Variants in NBEAL2 observed in about 807,000 individuals in gnomAD.
NBEAL2 encodes the protein neurobeachin-like protein 2.
NBEAL2 carries 160 observed loss-of-function variants against 299.8 expected under a neutral mutation model. The ratio of observed to expected loss-of-function variants is 0.53; its 90% CI spans 0.47 to 0.61. The LOEUF is 0.61. Ranked by LOEUF, NBEAL2 falls within the 20% of genes least tolerant of loss-of-function variation. The pLI is 0.00. For synonymous variants in NBEAL2, 1,493 were observed against 1,542.3 expected, an observed-to-expected ratio of 0.97 and a Z score of 0.75; for missense variants, 3,112 against 3,649.0, an observed-to-expected ratio of 0.85 and a Z score of 3.79.
intron 50 of NBEAL2, 44 bp downstream of exon 50, chr3:47,008,230 A>G: frequency 6.2e-7 from 1 of 1,613,118 alleles, no homozygotes; most frequent in South Asian, 1.1e-5. Flanking sequence ...TTTCCTGGGC[A>G]ATCCCCCTGG....
At position 46,997,708 on chromosome 3, in the gene NBEAL2, G is replaced by T; in HGVS notation, c.2958+14G>T. 6.7e-7 allele frequency: 1 copy of T among 1,497,922 alleles called. No homozygotes were observed. Among genetic ancestry groups the T allele is most frequent in the Non-Finnish European group, 8.9e-7 (1 of 1,120,676 alleles). The allele number at this position is 1,497,922 out of a possible 1,614,324, so 92.8% of individuals were successfully genotyped here. ...CTCCTGCGAAAGGTGGGGCCCGGTG[G>T]GACAGGCATGGGGGTTAGGGGTATG... On this transcript the variant is annotated intron_variant, in intron 20 of 53. Coordinates refer to ENST00000450053, the MANE Select transcript of NBEAL2 (RefSeq NM_015175.3).
Position 47,003,697 on chromosome 3 carries a change from C to A in NBEAL2, c.5721-119C>A. Reference sequence around the variant, plus strand: ...GTTCTGGACCCTAGGCAGCCCCTCCCCATCTCTGGGAGTCATGAGAGTATA... The same window carrying A: ...GTTCTGGACCCTAGGCAGCCCCTCCACATCTCTGGGAGTCATGAGAGTATA... On this transcript the variant is annotated intron_variant, in intron 35 of 53. Transcript: ENST00000450053. This position sits in a 1 kb window ranked among gnomAD's most constrained non-coding sequence, Gnocchi z 7.0. 2.3e-6 allele frequency: 3 copies of A among 1,318,554 alleles called. No individual in the cohort carries two copies. Among genetic ancestry groups the A allele is most frequent in the Non-Finnish European group, 3.1e-6 (3 of 980,834 alleles). The allele number at this position is 1,318,554 out of a possible 1,614,324, so 81.7% of individuals were successfully genotyped here.
chr3:46,989,030 GA>G lies in NBEAL2; in HGVS notation c.270-54del. The G allele has an allele frequency of 6.2e-7, 1 of 1,611,446 alleles. No homozygotes were observed. The highest frequency in any genetic ancestry group is 8.5e-7 in the Non-Finnish European group (1 of 1,178,730). ...AGAACTGTGGGCCAGAGGGAGAGGG[GA>G]CAAGGAGGGGCATGGTGTATTATTG... On this transcript the variant is annotated intron_variant, in intron 3 of 53. Transcript: ENST00000450053. This position sits in a 1 kb window ranked among gnomAD's most constrained non-coding sequence, Gnocchi z 5.5.
At chr3:46,990,780 G>A (rs1045409860) in intron 6 of NBEAL2, among the ~76,000 whole-genome samples, 1 of 152,170 alleles carries the variant, frequency 6.6e-6, no homozygotes, top group African/African-American at 2.4e-5. Flanking sequence ...GGGGGAGGTG[G>A]CATCAGTATA....
Position 46,995,049 on chromosome 3 carries a change from C to A in NBEAL2, c.1314C>A (p.His438Gln). 1.9e-6 allele frequency: 3 copies of A among 1,548,666 alleles called. No homozygotes were observed. The highest frequency in any genetic ancestry group is 2.6e-6 in the Non-Finnish European group (3 of 1,141,152). ...ACCCACAGGCTGTGGAGGGTGACCA[C>A]AGCATGTGCCCACCTCCACCAATCC... ...ELLNMAVEGD[H>Q]SMCPPPPIRN... The change falls in exon 13 of 54, where the codon CAC (histidine) becomes CAA (glutamine). Residue 438 changes from histidine (H) to glutamine (Q), a missense_variant. By Grantham distance (24) the His-to-Gln change is conservative (BLOSUM62 0). Transcript: ENST00000450053.
At chr3:46,999,550 T>C in intron 25 of NBEAL2, 76 bp downstream of exon 25, 2 of 1,590,112 alleles carry the variant, frequency 1.3e-6, no homozygotes, top group South Asian at 1.1e-5. Flanking sequence ...AGAAGGAAGA[T>C]AGTGGCATAG....
chr3:46,999,414 C>T lies in NBEAL2; in HGVS notation c.3643C>T (p.Pro1215Ser). ...TCTCCAGGGTCTGGTTGCCTGCTTGCCTGAGGGGACTGTTTCCCCCCAGCT... is the reference window on the plus strand; with the variant it reads ...TCTCCAGGGTCTGGTTGCCTGCTTGTCTGAGGGGACTGTTTCCCCCCAGCT... ...CGLQGLVACL[P>S]EGTVSPQLCQ... The change falls in exon 25 of 54, where the codon CCT becomes TCT. Residue 1215 changes from proline to serine, a missense_variant. By Grantham distance (74) the Pro-to-Ser change is moderately conservative (BLOSUM62 -1). Around this residue, in one of 3 missense-constraint regions of NBEAL2, gnomAD observed 2,243 missense variants for 2,538.1 expected, o/e 0.88. Transcript: ENST00000450053. The T allele has an allele frequency of 6.3e-7, 1 of 1,594,978 alleles. No individual in the cohort carries two copies. The highest frequency in any genetic ancestry group is 8.5e-7 in the Non-Finnish European group (1 of 1,171,472).
intron 25 of NBEAL2, 49 bp from the exon 26 acceptor site, chr3:46,999,581 C>G: frequency 6.3e-7 from 1 of 1,590,818 alleles, no homozygotes; most frequent in Non-Finnish European, 8.6e-7. Flanking sequence ...TGGGCCCTGC[C>G]CTTTCTAGTC....
At chr3:47,006,101 A>G in intron 43 of NBEAL2, 38 bp downstream of exon 43, 1 of 1,613,018 alleles carries the variant, frequency 6.2e-7, no homozygotes, top group Non-Finnish European at 8.5e-7. Flanking sequence ...GGCCAGGACA[A>G]GATCAGGTCG....
chr3:46,992,282 G>T (rs1258239952), intron 9 of NBEAL2, among the ~76,000 whole-genome samples, 193 bp from the exon 10 acceptor site: 1 of 152,172 alleles, frequency 6.6e-6, no homozygotes, highest in Non-Finnish European at 1.5e-5. Context: ...TTCAGATGCA[G>T]TGCCTGCTCC....
rs377045281 is a variant in NBEAL2, at chr3:46,999,468, G to A, written c.3697G>A (p.Gly1233Arg). The stretch of plus-strand genomic sequence containing the variant: ...CCAGGGCCTCTACAAGCTGTTCCTG[G>A]GGGCAGGTACAACCTGGTTAAGGCC... ...LCQGLYKLFLGADCLNLSDLL... is the reference protein window; with the variant it reads ...LCQGLYKLFLRADCLNLSDLL... The change falls in exon 25 of 54, where the codon GGG becomes AGG. Residue 1233 changes from glycine (G) to arginine (R), a missense_variant. Physicochemically the swap from Gly to Arg is moderately radical, Grantham distance 125. This residue lies in a region of NBEAL2 where 2,243 missense variants were observed against 2,538.1 expected (regional missense o/e 0.88). Transcript: ENST00000450053. 3.2e-6 allele frequency: 5 copies of A among 1,580,066 alleles called. No individual in the cohort carries two copies. The highest frequency in any genetic ancestry group is 3.4e-6 in the Non-Finnish European group (4 of 1,162,976).
intron 1 of NBEAL2, among the ~76,000 whole-genome samples, chr3:46,984,462 C>T (rs2035564554): frequency 1.3e-5 from 2 of 152,222 alleles, no homozygotes; most frequent in African/African-American, 4.8e-5. Flanking sequence ...AAACCACTAT[C>T]CTCAGTTGTC....
intron 45 of NBEAL2, 81 bp downstream of exon 45, chr3:47,006,530 A>T: frequency 7.7e-7 from 1 of 1,293,428 alleles, no homozygotes; most frequent in Non-Finnish European, 1.1e-6. Context: ...CGTGGGGCAG[A>T]TGGGAATCCT....
In NBEAL2 at chr3:47,003,319, G is replaced by T. The variant is rs764034346; in HGVS notation, c.5720+10G>T. 6.2e-7 allele frequency: 1 copy of T among 1,609,942 alleles called. No homozygotes were observed. The highest frequency in any genetic ancestry group is 1.1e-5 in the South Asian group (1 of 90,746). On this transcript the variant is annotated intron_variant, in intron 35 of 53. Coordinates refer to ENST00000450053, the MANE Select transcript of NBEAL2 (RefSeq NM_015175.3). This position sits in a 1 kb window ranked among gnomAD's most constrained non-coding sequence, Gnocchi z 7.0. ...CTGAGCTGGAGACCCCGTGAGTGGG[G>T]CCCTGGAGAGATTGGACTGGTGTGG...
In NBEAL2 at chr3:46,994,490, G is replaced by A. The variant is rs1392912243; in HGVS notation, c.1233G>A (p.Leu411=). Residue 411 remains leucine (L), a synonymous_variant, in exon 12 of 54, where the codon CTG becomes CTA. Transcript: ENST00000450053. ...VFKERIGYPH[L]QEVLQSHGPP... ...AGGAGCGCATCGGCTACCCTCACCT[G>A]CAGGAGGTTCTGCAGAGCCATGGTC... The A allele has an allele frequency of 1.9e-6, 3 of 1,596,152 alleles. No individual in the cohort carries two copies. In the South Asian group the frequency reaches 3.4e-5, roughly 18 times the overall value.
At chr3:46,996,221 G>C (rs2036483587) in intron 15 of NBEAL2, 50 bp from the exon 16 acceptor site, 1 of 1,595,898 alleles carries the variant, frequency 6.3e-7, no homozygotes, top group Non-Finnish European at 8.5e-7. Context: ...TGTAGGCGGA[G>C]CCCCAGGTTC....
chr3:47,002,236 A>T lies in NBEAL2; in HGVS notation c.5099A>T (p.Asp1700Val), dbSNP rs2037064467. Reference protein sequence around the residue: ...PTNGSPTFFEDFQAFCATPEW... With the variant: ...PTNGSPTFFEVFQAFCATPEW... Reference sequence around the variant, plus strand: ...AATGGCAGCCCCACCTTCTTTGAAGACTTCCAGGCTTTTTGTGCCACACCC... The same window carrying T: ...AATGGCAGCCCCACCTTCTTTGAAGTCTTCCAGGCTTTTTGTGCCACACCC... Residue 1700 changes from aspartate (D) to valine (V), a missense_variant, in exon 31 of 54, where the codon GAC (aspartate) becomes GTC (valine). Coordinates refer to ENST00000450053, the MANE Select transcript of NBEAL2 (RefSeq NM_015175.3). 1 of 1,547,154 alleles carries T rather than the reference A, an allele frequency of 6.5e-7. No individual in the cohort carries two copies. Among genetic ancestry groups the T allele is most frequent in the East Asian group, 2.3e-5 (1 of 43,692 alleles).
intron 1 of NBEAL2, chr3:46,987,959 GC>G: frequency 7.9e-7 from 1 of 1,268,656 alleles, no homozygotes; most frequent in Non-Finnish European, 1.0e-6. Flanking sequence ...TCCTGCCCCA[GC>G]CCCGGGGCGG....
At chr3:46,998,038 C>A in intron 20 of NBEAL2, 29 bp from the exon 21 acceptor site, 2 of 1,541,980 alleles carry the variant, frequency 1.3e-6, no homozygotes, top group Non-Finnish European at 1.8e-6. Context: ...AGAGCCTGAG[C>A]CCTCACTCCA....
Sources: allele counts gnomAD v4.1 joint callset (sites outside exome capture counted in the v4.1 genomes callset), GRCh38; gene constraint gnomAD v4.1.1; regional missense constraint gnomAD v4.1.1; non-coding constraint Gnocchi (gnomAD v3.1); transcripts MANE v1.5; gene names NCBI Gene and HGNC (gene_info 2026-07-23, HGNC 2026-07-21).